Variants in PTPRJ observed in about 807,000 individuals in gnomAD.
The protein encoded by PTPRJ is protein tyrosine phosphatase receptor type J, also known as receptor-type tyrosine-protein phosphatase eta.
In PTPRJ, 129 loss-of-function variants were observed where a neutral mutation model predicts 141.3. The observed-to-expected ratio is 0.91, with a 90% confidence interval of 0.79 to 1.06. PTPRJ has a LOEUF of 1.06. Among genes scored for constraint, PTPRJ ranks in the 50% least tolerant of loss-of-function variants. The pLI is 0.00. For synonymous variants in PTPRJ, 610 were observed against 640.5 expected, an observed-to-expected ratio of 0.95 and a Z score of 0.72; for missense variants, 1,601 against 1,679.7, an observed-to-expected ratio of 0.95 and a Z score of 0.82.
At chr11:48,165,971 C>T (rs1857907134) in intron 24 of PTPRJ, among the ~76,000 whole-genome samples, 1 of 151,912 alleles carries the variant, frequency 6.6e-6, no homozygotes, top group South Asian at 2.1e-4. Context: ...AGCGATTCCC[C>T]TGCCTCAGCC....
intron 22 of PTPRJ, among the ~76,000 whole-genome samples, chr11:48,161,261 A>G (rs1352873246): frequency 6.6e-6 from 1 of 151,662 alleles, no homozygotes; most frequent in African/African-American, 2.4e-5. Context: ...GTAATGTAAG[A>G]GAAACATTCT....
rs962333949 is a variant in PTPRJ at position 48,112,628 on chromosome 11, A to C, written c.116-119A>C. On this transcript the variant is annotated intron_variant, in intron 2 of 24. Transcript: ENST00000418331. Reference sequence around the variant, plus strand: ...AGGTGATGATACAAAGAAGAGAAAGAGAGGGATCAGTTTTTCCAAGTGTGC... The same window carrying C: ...AGGTGATGATACAAAGAAGAGAAAGCGAGGGATCAGTTTTTCCAAGTGTGC... 52 of 750,744 alleles carry C rather than the reference A, an allele frequency of 6.9e-5. 1 individual carries two copies. The Middle Eastern group carries it at 1.3e-3, about 19-fold the overall frequency. 46.5% of individuals were successfully genotyped at this position (750,744 alleles called of 1,614,324 possible).
intron 1 of PTPRJ, among the ~76,000 whole-genome samples, chr11:48,086,782 C>G (rs1855726075): frequency 6.6e-6 from 1 of 152,210 alleles, no homozygotes; most frequent in South Asian, 2.1e-4. Context: ...CTTCCGGGTG[C>G]TCTTCTCAGA....
At chr11:47,982,151 C>T (rs1049998643) in intron 1 of PTPRJ, among the ~76,000 whole-genome samples, 10 of 152,184 alleles carry the variant, frequency 6.6e-5, no homozygotes, top group Non-Finnish European at 1.2e-4. Context: ...CTGGGGGCTG[C>T]GTGACCCTCG....
chr11:47,987,818 C>G (rs1854089189), intron 1 of PTPRJ, among the ~76,000 whole-genome samples: 2 of 152,154 alleles, frequency 1.3e-5, no homozygotes, highest in African/African-American at 2.4e-5. Context: ...TGCAGTCATC[C>G]TATTGTCTCA....
At position 48,040,994 on chromosome 11, in the gene PTPRJ, G is replaced by T. The variant is rs182322413; in HGVS notation, c.96+59986G>T. 1.9e-3 allele frequency among the ~76,000 whole-genome samples: 286 copies of T among 152,078 alleles called. No individual in the cohort carries two copies. The Middle Eastern group carries it at 0.031, about 16-fold the overall frequency. On this transcript the variant is annotated intron_variant, in intron 1 of 24. Coordinates refer to ENST00000418331, the MANE Select transcript of PTPRJ (RefSeq NM_002843.4). ...CTCTCTTTTATGGACCTTTTAGGCT[G>T]GCTGCACCCTCCGTCTGTGTCACCC...
At chr11:48,083,159 C>T (rs915720010) in intron 1 of PTPRJ, among the ~76,000 whole-genome samples, 1 of 152,220 alleles carries the variant, frequency 6.6e-6, no homozygotes, top group Non-Finnish European at 1.5e-5. Flanking sequence ...GGTGCGGTGG[C>T]TCACGCCTGT....
At chr11:48,116,309 A>G (rs1004358446) in intron 3 of PTPRJ, among the ~76,000 whole-genome samples, 4 of 152,232 alleles carry the variant, frequency 2.6e-5, no homozygotes, top group African/African-American at 9.6e-5. Flanking sequence ...TAAGTTCAAA[A>G]CTTTTAATGG....
intron 6 of PTPRJ, among the ~76,000 whole-genome samples, chr11:48,126,775 AACACACACACACACACACAC>A (rs10599361): frequency 3.6e-5 from 5 of 137,244 alleles, no homozygotes; most frequent in African/African-American, 8.2e-5. Flanking sequence ...AGTCTGTTGC[AACACACACACACACACACAC>A]ACACACACAC....
chr11:48,106,161 C>T (rs1285498585), intron 1 of PTPRJ, among the ~76,000 whole-genome samples: 1 of 152,154 alleles, frequency 6.6e-6, no homozygotes, highest in Admixed American at 6.6e-5. Context: ...AGGAGTAGGG[C>T]CTGGCTGTCA....
At chr11:48,132,431 C>G (rs1159770602) in intron 8 of PTPRJ, 2 of 983,394 alleles carry the variant, frequency 2.0e-6, no homozygotes, top group African/African-American at 3.5e-5. Context: ...ACAGGAGAAA[C>G]TTCTGGGAAA....
intron 1 of PTPRJ, among the ~76,000 whole-genome samples, chr11:48,003,839 G>A (rs1325832567): frequency 1.3e-5 from 2 of 152,070 alleles, no homozygotes; most frequent in Non-Finnish European, 2.9e-5. Flanking sequence ...ATGCCAATTG[G>A]GCTTCATGGT....
chr11:48,072,750 T>C (rs368906084), intron 1 of PTPRJ, among the ~76,000 whole-genome samples: 4 of 152,330 alleles, frequency 2.6e-5, no homozygotes, highest in African/African-American at 7.2e-5. Flanking sequence ...TGTGTTGATA[T>C]ACTGCGCTAC....
At chr11:48,162,536 ACT>A (rs550049658) in intron 22 of PTPRJ, among the ~76,000 whole-genome samples, 1 of 151,576 alleles carries the variant, frequency 6.6e-6, no homozygotes, top group Non-Finnish European at 1.5e-5. Context: ...CTCTCCCTTC[ACT>A]CTGTCTGTTT....
At chr11:48,031,151 C>T (rs951178083) in intron 1 of PTPRJ, among the ~76,000 whole-genome samples, 2 of 152,162 alleles carry the variant, frequency 1.3e-5, no homozygotes, top group Non-Finnish European at 2.9e-5. Flanking sequence ...TGAATAGATT[C>T]CTAGCCTCAT....
At chr11:48,045,294 G>A (rs1590434195) in intron 1 of PTPRJ, among the ~76,000 whole-genome samples, 1 of 152,326 alleles carries the variant, frequency 6.6e-6, no homozygotes, top group East Asian at 1.9e-4. Context: ...CAGAGGCAGA[G>A]TTGGGCTTGA....
chr11:48,062,781 C>A lies in PTPRJ; in HGVS notation c.97-47277C>A, dbSNP rs1565283933. ...TCCCATTTAATCATCCCCTCCCTGC[C>A]AACTTTTCCAACAGGTGCATACTTA... On this transcript the variant is annotated intron_variant, in intron 1 of 24. Transcript: ENST00000418331. Among the ~76,000 whole-genome samples the A allele has an allele frequency of 2.0e-5, 3 of 152,172 alleles. 1 individual carries two copies. The highest frequency in any genetic ancestry group is 2.0e-4 in the Admixed American group (3 of 15,266).
chr11:48,157,177 CAGGG>C (rs1857633114), intron 21 of PTPRJ, among the ~76,000 whole-genome samples: 1 of 151,830 alleles, frequency 6.6e-6, no homozygotes, highest in African/African-American at 2.4e-5. Flanking sequence ...TTAGTAGAGA[CAGGG>C]TTTCACTATG....
intron 4 of PTPRJ, among the ~76,000 whole-genome samples, chr11:48,121,709 A>G (rs1325921035): frequency 6.6e-6 from 1 of 152,172 alleles, no homozygotes; most frequent in African/African-American, 2.4e-5. Context: ...GTTTGATGAT[A>G]TTTAAATTTT....
Sources: allele counts gnomAD v4.1 joint callset (sites outside exome capture counted in the v4.1 genomes callset), GRCh38; gene constraint gnomAD v4.1.1; transcripts MANE v1.5; gene names NCBI Gene and HGNC (gene_info 2026-07-23, HGNC 2026-07-21).